LRMDA: variants seen among roughly 807,000 people sequenced by gnomAD.
LRMDA encodes the protein leucine rich melanocyte differentiation associated.
A neutral mutation model predicts 29.8 loss-of-function variants in LRMDA; 18 were observed. That is an observed-to-expected ratio of 0.60 (90% CI 0.42 to 0.90). LRMDA has a LOEUF of 0.90. Ranked by LOEUF, LRMDA falls within the 40% of genes least tolerant of loss-of-function variation. The probability of loss-of-function intolerance (pLI) is 0.00; values close to 1 mark genes in which losing one functional copy is unlikely to be tolerated. For missense variants in LRMDA, 273 were observed against 273.9 expected, an observed-to-expected ratio of 1.00 and a Z score of 0.02; for synonymous variants, 125 against 109.4, an observed-to-expected ratio of 1.14 and a Z score of -0.89.
chr10:76,312,277 A>T (rs1219197839), intron 5 of LRMDA, among the ~76,000 whole-genome samples: 2 of 152,166 alleles, frequency 1.3e-5, no homozygotes, highest in African/African-American at 4.8e-5. Flanking sequence ...GTTTTGAAGG[A>T]TGATATTTTC....
In LRMDA at chr10:76,195,054, T is replaced by C. The variant is rs148873604; in HGVS notation, c.517-129347T>C. Among the ~76,000 whole-genome samples, 506 of 152,316 alleles carry C rather than the reference T, an allele frequency of 3.3e-3. 5 individuals carry two copies. The highest frequency in any genetic ancestry group is 0.012 in the African/African-American group (493 of 41,558). On this transcript the variant is annotated intron_variant, in intron 5 of 6. Transcript: ENST00000611255. ...GATTCATTTTTACAGGCCTCCTAAT[T>C]GTACATTGAATGGAATTCCCTTCAT...
intron 5 of LRMDA, among the ~76,000 whole-genome samples, chr10:76,295,914 T>C (rs1840406185): frequency 6.6e-6 from 1 of 152,234 alleles, no homozygotes. Context: ...TCTTTGGGAC[T>C]GATACATCTT....
rs1279503712 is a variant in LRMDA at position 76,456,843 on chromosome 10, C to T, written c.602-100366C>T. Among the ~76,000 whole-genome samples, 4 of 152,170 alleles carry T rather than the reference C, an allele frequency of 2.6e-5. No homozygotes were observed. The East Asian group carries it at 7.7e-4, about 29-fold the overall frequency. On this transcript the variant is annotated intron_variant, in intron 6 of 6. Coordinates refer to ENST00000611255, the MANE Select transcript of LRMDA (RefSeq NM_001305581.2). ...TTCTTACCATGTCACCTCCTTCTTC[C>T]CTTCTTTTTTATTTTTTGGGGTCTG...
chr10:76,143,188 A>G (rs911488840), intron 5 of LRMDA, among the ~76,000 whole-genome samples: 12 of 152,222 alleles, frequency 7.9e-5, no homozygotes, highest in African/African-American at 2.9e-4. Context: ...ATGATTTATT[A>G]TCCTTTGGGT....
intron 5 of LRMDA, among the ~76,000 whole-genome samples, chr10:76,304,839 G>A (rs1230448368): frequency 6.6e-6 from 1 of 152,154 alleles, no homozygotes; most frequent in East Asian, 1.9e-4. Flanking sequence ...TCTCCAGCAG[G>A]ATGGGGCACA....
chr10:76,022,256 A>G (rs547360950), intron 2 of LRMDA, among the ~76,000 whole-genome samples: 42 of 152,240 alleles, frequency 2.8e-4, no homozygotes, highest in African/African-American at 1.0e-3. Flanking sequence ...AATCCATAGG[A>G]GGCCTCAAAT....
chr10:76,557,106 C>A, intron 6 of LRMDA, 103 bp from the exon 7 acceptor site: 1 of 880,180 alleles, frequency 1.1e-6, no homozygotes, highest in Non-Finnish European at 1.9e-6. Flanking sequence ...TTTCTGCTGC[C>A]CATTGGATCT....
At chr10:75,769,758 G>A (rs1368737631) in intron 2 of LRMDA, among the ~76,000 whole-genome samples, 1 of 152,118 alleles carries the variant, frequency 6.6e-6, no homozygotes, top group Non-Finnish European at 1.5e-5. Context: ...CCTCATTCCT[G>A]TTCTTGTCTT....
chr10:75,523,907 A>G (rs1485865222), intron 2 of LRMDA, among the ~76,000 whole-genome samples: 2 of 152,196 alleles, frequency 1.3e-5, no homozygotes, highest in African/African-American at 4.8e-5. Flanking sequence ...TAGAAAAAGC[A>G]TCTGAAAACG....
intron 2 of LRMDA, among the ~76,000 whole-genome samples, chr10:75,827,277 G>C (rs1162814526): frequency 6.6e-6 from 1 of 152,152 alleles, no homozygotes; most frequent in African/African-American, 2.4e-5. Context: ...GGTACCAGAG[G>C]AATAAGCAAG....
chr10:76,014,091 G>GT (rs1554840699), intron 2 of LRMDA, among the ~76,000 whole-genome samples: 5 of 54,552 alleles, frequency 9.2e-5, no homozygotes, highest in African/African-American at 1.3e-4. Flanking sequence ...TGCTGTTTCT[G>GT]TTTAAAAAAA....
intron 2 of LRMDA, among the ~76,000 whole-genome samples, chr10:75,761,808 GTT>G (rs1302346924): frequency 8.3e-6 from 1 of 120,050 alleles, no homozygotes. Context: ...TTTTTTTTTT[GTT>G]TTTTTTTTTT....
At chr10:76,507,188 G>A (rs184660493) in intron 6 of LRMDA, among the ~76,000 whole-genome samples, 16 of 133,488 alleles carry the variant, frequency 1.2e-4, no homozygotes, top group African/African-American at 4.1e-4. Flanking sequence ...GTTCCTTGAT[G>A]ATTAGCAATG....
chr10:75,508,706 T>G (rs1589164271), intron 2 of LRMDA, among the ~76,000 whole-genome samples: 1 of 152,362 alleles, frequency 6.6e-6, no homozygotes, highest in South Asian at 2.1e-4. Context: ...TGTATGAGTG[T>G]GCCTGTCAGA....
intron 6 of LRMDA, among the ~76,000 whole-genome samples, chr10:76,359,905 G>A (rs910667654): frequency 2.0e-5 from 3 of 152,172 alleles, no homozygotes; most frequent in African/African-American, 4.8e-5. Flanking sequence ...CTTTGCTCAT[G>A]TACCATCATT....
chr10:76,557,117 A>G (rs1485680412), intron 6 of LRMDA, 92 bp from the exon 7 acceptor site: 3 of 998,534 alleles, frequency 3.0e-6, no homozygotes, highest in East Asian at 2.4e-5. Context: ...CATTGGATCT[A>G]TGATTATCTT....
chr10:76,495,188 G>A (rs1014663847), intron 6 of LRMDA, among the ~76,000 whole-genome samples: 7 of 151,796 alleles, frequency 4.6e-5, no homozygotes, highest in Admixed American at 1.3e-4. Context: ...GTGAGGTTTC[G>A]ATGGAGGTTC....
chr10:75,768,594 T>C (rs1414173330), intron 2 of LRMDA, among the ~76,000 whole-genome samples: 1 of 152,192 alleles, frequency 6.6e-6, no homozygotes, highest in Non-Finnish European at 1.5e-5. Context: ...TCAGACACAT[T>C]GGTATTTTTC....
At chr10:76,390,642 C>G (rs1046270984) in intron 6 of LRMDA, among the ~76,000 whole-genome samples, 1 of 152,128 alleles carries the variant, frequency 6.6e-6, no homozygotes, top group Non-Finnish European at 1.5e-5. Context: ...CCTTCATTGC[C>G]CCTCCCATCC....
Sources: allele counts gnomAD v4.1 joint callset (sites outside exome capture counted in the v4.1 genomes callset), GRCh38; gene constraint gnomAD v4.1.1; transcripts MANE v1.5; gene names NCBI Gene and HGNC (gene_info 2026-07-23, HGNC 2026-07-21).